Variants in MAP3K4 observed in about 807,000 individuals in gnomAD.
The protein encoded by MAP3K4 is mitogen-activated protein kinase kinase kinase 4, also known as MAP three kinase 1.
A neutral mutation model predicts 185.6 loss-of-function variants in MAP3K4; 67 were observed. The observed-to-expected ratio is 0.36, with a 90% CI of 0.30 to 0.44. The LOEUF (loss-of-function observed/expected upper bound fraction) is 0.44, where lower values mean the gene tolerates loss of function less well. MAP3K4 is among the 20% of genes least tolerant of loss of function. The pLI is 1.00. For synonymous variants in MAP3K4, 702 were observed against 710.4 expected, an observed-to-expected ratio of 0.99 and a Z score of 0.19; for missense variants, 1,551 against 1,995.1, an observed-to-expected ratio of 0.78 and a Z score of 4.24.
In MAP3K4 at chr6:161,073,364, G is replaced by A; in HGVS notation, c.1951-102G>A. On this transcript the variant is annotated intron_variant, in intron 4 of 26. Transcript: ENST00000392142. The surrounding 1 kb of genome is among the most constrained non-coding windows in gnomAD (Gnocchi z 4.2). ...ACTATTGTAGGTTTTTTAGAGGCAA[G>A]GTTCCCTCTGAGTTTTTTGAAGATT... is the stretch of plus-strand genomic sequence containing the variant. 1 of 1,177,432 alleles carries A rather than the reference G, an allele frequency of 8.5e-7. No individual in the cohort carries two copies. Among genetic ancestry groups the A allele is most frequent in the Non-Finnish European group, 1.2e-6 (1 of 865,734 alleles). The allele number at this position is 1,177,432 out of a possible 1,614,324, so 72.9% of individuals were successfully genotyped here.
At chr6:161,079,657 C>T (rs1313805908) in intron 5 of MAP3K4, among the ~76,000 whole-genome samples, 1 of 152,184 alleles carries the variant, frequency 6.6e-6, no homozygotes, top group African/African-American at 2.4e-5. Flanking sequence ...GAAGGAAAAA[C>T]ACGGAGATGG....
Position 161,103,691 on chromosome 6 carries a change from T to C in MAP3K4, c.3856+912T>C, listed in dbSNP as rs1360608796. On this transcript the variant is annotated intron_variant, in intron 19 of 26. Transcript: ENST00000392142. This position sits in a 1 kb window ranked among gnomAD's most constrained non-coding sequence, Gnocchi z 4.6. ...GCAGCCCCAGAGGCTCTTGAGCAGC[T>C]GGTGTGTTTGGGATGTGGGAGGCTG... Among the ~76,000 whole-genome samples the C allele has an allele frequency of 6.6e-6, 1 of 152,180 alleles. No homozygotes were observed. Among genetic ancestry groups the C allele is most frequent in the Non-Finnish European group, 1.5e-5 (1 of 68,024 alleles).
At chr6:161,006,574 G>C (rs1001168960) in intron 1 of MAP3K4, among the ~76,000 whole-genome samples, 1 of 152,120 alleles carries the variant, frequency 6.6e-6, no homozygotes, top group African/African-American at 2.4e-5. Flanking sequence ...TTCCAAGGGA[G>C]GTCCTAGAAT....
chr6:161,040,899 C>T (rs1783419844), intron 2 of MAP3K4, among the ~76,000 whole-genome samples: 1 of 152,256 alleles, frequency 6.6e-6, no homozygotes, highest in African/African-American at 2.4e-5. Context: ...ATTGATCAAA[C>T]ACTGTTCTGC....
chr6:161,019,414 CTT>C (rs1782269468), intron 1 of MAP3K4, among the ~76,000 whole-genome samples: 1 of 152,104 alleles, frequency 6.6e-6, no homozygotes, highest in South Asian at 2.1e-4. Context: ...CTTAACATCT[CTT>C]TCTTTCTATT....
In MAP3K4 at chr6:161,096,381, A is replaced by T. The variant is rs1334022691; in HGVS notation, c.3428-699A>T. ...ACAGAGTGGTAAAAGTGAAGAAGAG[A>T]AAAGCATGTTACGGAGAGTAGGCAA... On this transcript the variant is annotated intron_variant, in intron 15 of 26. Coordinates refer to ENST00000392142, the MANE Select transcript of MAP3K4 (RefSeq NM_005922.4). This position sits in a 1 kb window ranked among gnomAD's most constrained non-coding sequence, Gnocchi z 4.9. Among the ~76,000 whole-genome samples, 2 of 152,228 alleles carry T rather than the reference A, an allele frequency of 1.3e-5. No homozygotes were observed. Among genetic ancestry groups the T allele is most frequent in the African/African-American group, 4.8e-5 (2 of 41,444 alleles).
In MAP3K4 at chr6:161,093,761, T is replaced by G. The variant is rs988413809; in HGVS notation, c.3349-12T>G. 3.2e-6 allele frequency: 5 copies of G among 1,579,756 alleles called. No homozygotes were observed. Among genetic ancestry groups the G allele is most frequent in the Middle Eastern group, 1.7e-4 (1 of 5,998 alleles). Reference sequence around the variant, plus strand: ...TTTCTCTTTACCTTTCCCATTTTCTTTTGGTTTCTAGAGTTTACAAGCCTT... The same window carrying G: ...TTTCTCTTTACCTTTCCCATTTTCTGTTGGTTTCTAGAGTTTACAAGCCTT... On this transcript the variant is annotated splice_polypyrimidine_tract_variant and intron_variant, in intron 14 of 26. Coordinates refer to ENST00000392142, the MANE Select transcript of MAP3K4 (RefSeq NM_005922.4). The surrounding 1 kb of genome is among the most constrained non-coding windows in gnomAD (Gnocchi z 5.2).
At chr6:161,046,531 TAA>T (rs1200078800) in intron 2 of MAP3K4, among the ~76,000 whole-genome samples, 3 of 58,966 alleles carry the variant, frequency 5.1e-5, no homozygotes, top group Admixed American at 2.3e-4. Context: ...TAAAAAATAA[TAA>T]TAATAGTAGT....
chr6:161,094,176 C>T (rs992274922), intron 15 of MAP3K4, among the ~76,000 whole-genome samples: 8 of 152,282 alleles, frequency 5.3e-5, no homozygotes, highest in South Asian at 2.1e-4. Flanking sequence ...TGGAAGAGGG[C>T]GTTGTCTGCC....
intron 5 of MAP3K4, among the ~76,000 whole-genome samples, chr6:161,079,036 A>G (rs1331250854): frequency 6.6e-6 from 1 of 151,852 alleles, no homozygotes; most frequent in Non-Finnish European, 1.5e-5. Context: ...CAACATGGCA[A>G]AACCCCGTCT....
At position 161,097,031 on chromosome 6, in the gene MAP3K4, T is replaced by C; in HGVS notation, c.3428-49T>C. 1 of 1,477,988 alleles carries C rather than the reference T, an allele frequency of 6.8e-7. No individual in the cohort carries two copies. Among genetic ancestry groups the C allele is most frequent in the Non-Finnish European group, 9.5e-7 (1 of 1,056,334 alleles). 91.6% of individuals were successfully genotyped at this position (1,477,988 alleles called of 1,614,324 possible). A position where few individuals can be genotyped will look rare whatever the true frequency, so the allele number is the denominator to read the frequency against. On this transcript the variant is annotated intron_variant, in intron 15 of 26. Transcript: ENST00000392142. This position sits in a 1 kb window ranked among gnomAD's most constrained non-coding sequence, Gnocchi z 4.9. Reference sequence around the variant, plus strand: ...ATTTGACTGTTTGGTTTGATGATTTTCTGTGGACCATATTAACAAGTTGCA... The same window carrying C: ...ATTTGACTGTTTGGTTTGATGATTTCCTGTGGACCATATTAACAAGTTGCA...
At position 161,112,522 on chromosome 6, in the gene MAP3K4, C is replaced by T; in HGVS notation, c.4520-146C>T. The stretch of plus-strand genomic sequence containing the variant: ...CTAAAAAGTTTGTTCAACAAGTTGA[C>T]TTGAACTGTCTGTAAATTTTTGATA... On this transcript the variant is annotated intron_variant, in intron 24 of 26. Coordinates refer to ENST00000392142, the MANE Select transcript of MAP3K4 (RefSeq NM_005922.4). The surrounding 1 kb of genome is among the most constrained non-coding windows in gnomAD (Gnocchi z 5.1). 1 of 483,432 alleles carries T rather than the reference C, an allele frequency of 2.1e-6. No homozygotes were observed. The highest frequency in any genetic ancestry group is 3.4e-6 in the Non-Finnish European group (1 of 292,242). 29.9% of individuals were successfully genotyped at this position (483,432 alleles called of 1,614,324 possible).
rs1156387103 is a variant in MAP3K4 at position 161,075,396 on chromosome 6, A to G, written c.2097+1784A>G. Among the ~76,000 whole-genome samples, 1 of 152,084 alleles carries G rather than the reference A, an allele frequency of 6.6e-6. No homozygotes were observed. The highest frequency in any genetic ancestry group is 1.5e-5 in the Non-Finnish European group (1 of 68,014). ...TGGTCTTGAACTCCTGGGCTCAGTG[A>G]TCCTCCCGCCTTGGCCTCCCAAAGT... is the stretch of plus-strand genomic sequence containing the variant. On this transcript the variant is annotated intron_variant, in intron 5 of 26. Transcript: ENST00000392142. The surrounding 1 kb of genome is among the most constrained non-coding windows in gnomAD (Gnocchi z 4.3).
At chr6:161,026,226 G>A (rs144271417) in intron 1 of MAP3K4, among the ~76,000 whole-genome samples, 3,480 of 152,058 alleles carry the variant, frequency 0.023, 144 homozygotes, top group African/African-American at 0.081. Flanking sequence ...TGCCTCCTGG[G>A]TTCATGCCAT....
In MAP3K4 at chr6:161,100,741, G is replaced by A. The variant is rs113062997; in HGVS notation, c.3675-1151G>A. On this transcript the variant is annotated intron_variant, in intron 17 of 26. Coordinates refer to ENST00000392142, the MANE Select transcript of MAP3K4 (RefSeq NM_005922.4). This position sits in a 1 kb window ranked among gnomAD's most constrained non-coding sequence, Gnocchi z 5.8. ...TGGCTAGTCTCACTTGTGGGAAATCGGAAAAATTAGAGGTGTTTAGTGACT... is the reference window on the plus strand; with the variant it reads ...TGGCTAGTCTCACTTGTGGGAAATCAGAAAAATTAGAGGTGTTTAGTGACT... Among the ~76,000 whole-genome samples, 1,970 of 151,766 alleles carry A rather than the reference G, an allele frequency of 0.013. 45 individuals carry two copies. The highest frequency in any genetic ancestry group is 0.045 in the African/African-American group (1,865 of 41,110).
intron 2 of MAP3K4, among the ~76,000 whole-genome samples, chr6:161,039,685 G>A (rs983947943): frequency 5.3e-5 from 8 of 152,148 alleles, no homozygotes; most frequent in African/African-American, 1.7e-4. Flanking sequence ...TAAAACATTG[G>A]TACTAAGAAG....
intron 2 of MAP3K4, among the ~76,000 whole-genome samples, chr6:161,045,899 C>T (rs1222092516): frequency 1.3e-5 from 2 of 152,082 alleles, no homozygotes; most frequent in East Asian, 1.9e-4. Context: ...ATAGTTAATA[C>T]ACATTCTATT....
chr6:161,036,368 T>C (rs1783165824), intron 2 of MAP3K4, among the ~76,000 whole-genome samples: 2 of 152,142 alleles, frequency 1.3e-5, no homozygotes, highest in South Asian at 4.1e-4. Context: ...ATTTTTCTTA[T>C]TGCAAAAGAT....
Position 161,069,666 on chromosome 6 carries a change from TG to T in MAP3K4, c.1708-938del, listed in dbSNP as rs541826498. Among the ~76,000 whole-genome samples the T allele has an allele frequency of 2.0e-5, 3 of 152,274 alleles. No homozygotes were observed. In the East Asian group the frequency reaches 5.8e-4, roughly 29 times the overall value. ...TGTCTGCTGTAATCAGTGCCAGGCG[TG>T]GGGACGGTCCTTTTAGTATAGTGGT... On this transcript the variant is annotated intron_variant, in intron 3 of 26. Coordinates refer to ENST00000392142, the MANE Select transcript of MAP3K4 (RefSeq NM_005922.4).
Sources: gnomAD v4.1 joint callset for allele counts (sites outside exome capture counted in the v4.1 genomes callset) on GRCh38, gnomAD v4.1.1 for gene constraint, Gnocchi (gnomAD v3.1) non-coding constraint, MANE v1.5 for transcripts, NCBI Gene and HGNC (gene_info 2026-07-23, HGNC 2026-07-21) for gene names.